Variants in EYS observed in about 807,000 individuals in gnomAD.
The protein encoded by EYS is protein eyes shut homolog.
In EYS, 250 loss-of-function variants were observed where a neutral mutation model predicts 282.1. The observed-to-expected ratio is 0.89, with a 90% CI of 0.80 to 0.98. The LOEUF is 0.98. EYS is among the 50% of genes least tolerant of loss of function. The probability of loss-of-function intolerance (pLI) is 0.00; values close to 1 mark genes in which losing one functional copy is unlikely to be tolerated. For synonymous variants in EYS, 1,355 were observed against 1,282.9 expected, an observed-to-expected ratio of 1.06 and a Z score of -1.20; for missense variants, 4,016 against 3,709.0, an observed-to-expected ratio of 1.08 and a Z score of -2.15.
At chr6:64,363,001 C>CT (rs5876892) in intron 29 of EYS, among the ~76,000 whole-genome samples, 9 of 142,254 alleles carry the variant, frequency 6.3e-5, no homozygotes, top group East Asian at 2.0e-4. Flanking sequence ...TTTTCTCTTT[C>CT]TTTTTTTTTT....
At chr6:65,370,060 G>T (rs1765077982) in intron 8 of EYS, among the ~76,000 whole-genome samples, 1 of 151,468 alleles carries the variant, frequency 6.6e-6, no homozygotes, top group African/African-American at 2.4e-5. Context: ...GGTGATAGAT[G>T]GTCACAGTAT....
chr6:64,635,667 A>T (rs1055005147), intron 22 of EYS, among the ~76,000 whole-genome samples: 4 of 152,170 alleles, frequency 2.6e-5, no homozygotes, highest in Non-Finnish European at 5.9e-5. Flanking sequence ...CATCCCAGGG[A>T]TGAAGCCCAC....
At chr6:65,441,534 T>G (rs1768328389) in intron 5 of EYS, among the ~76,000 whole-genome samples, 1 of 152,086 alleles carries the variant, frequency 6.6e-6, no homozygotes, top group African/African-American at 2.4e-5. Context: ...CTTTCAGCTG[T>G]TCTATGTGTT....
intron 26 of EYS, among the ~76,000 whole-genome samples, chr6:64,458,795 A>AT (rs1775646609): frequency 6.6e-6 from 1 of 152,048 alleles, no homozygotes; most frequent in Non-Finnish European, 1.5e-5. Flanking sequence ...TGATCCCTAT[A>AT]TTTTTTATGC....
chr6:64,855,648 T>TC (rs1766036635), intron 19 of EYS, among the ~76,000 whole-genome samples: 2 of 152,116 alleles, frequency 1.3e-5, no homozygotes, highest in African/African-American at 2.4e-5. Context: ...GTTCATAGAT[T>TC]ATATTAGGGT....
chr6:65,366,340 T>A (rs1346901739), intron 8 of EYS, among the ~76,000 whole-genome samples: 1 of 151,684 alleles, frequency 6.6e-6, no homozygotes, highest in Non-Finnish European at 1.5e-5. Flanking sequence ...TTAAATCCAT[T>A]TGTTCTGAGA....
chr6:64,809,664 C>A (rs2150013537), intron 22 of EYS, among the ~76,000 whole-genome samples: 1 of 152,028 alleles, frequency 6.6e-6, no homozygotes, highest in East Asian at 1.9e-4. Flanking sequence ...GAAATTATGC[C>A]CTTTGCAGAA....
intron 13 of EYS, among the ~76,000 whole-genome samples, chr6:65,004,202 A>G (rs1480590248): frequency 6.8e-6 from 1 of 147,454 alleles, no homozygotes; most frequent in Non-Finnish European, 1.5e-5. Context: ...AAAATTGCAA[A>G]GGTTAATTCT....
intron 31 of EYS, among the ~76,000 whole-genome samples, chr6:64,168,188 G>C (rs1764354438): frequency 6.6e-6 from 1 of 152,204 alleles, no homozygotes; most frequent in African/African-American, 2.4e-5. Flanking sequence ...GTGAACCCGG[G>C]AGGGGGAGCT....
chr6:64,939,659 G>A (rs554215735), intron 15 of EYS, among the ~76,000 whole-genome samples: 88 of 150,302 alleles, frequency 5.9e-4, no homozygotes, highest in African/African-American at 2.2e-3. Context: ...CATAAGTGAT[G>A]TATTTCATAC....
At chr6:65,357,104 A>C (rs1239769246) in intron 8 of EYS, among the ~76,000 whole-genome samples, 1 of 151,998 alleles carries the variant, frequency 6.6e-6, no homozygotes, top group Non-Finnish European at 1.5e-5. Flanking sequence ...AAGCTTCATC[A>C]GTATTAACTT....
At chr6:63,844,256 T>C (rs1184616198) in intron 36 of EYS, among the ~76,000 whole-genome samples, 1 of 152,224 alleles carries the variant, frequency 6.6e-6, no homozygotes, top group African/African-American at 2.4e-5. Context: ...AGTCTATCAT[T>C]GATGGGCATT....
chr6:64,967,524 G>A (rs1770140566), intron 14 of EYS, among the ~76,000 whole-genome samples: 1 of 151,930 alleles, frequency 6.6e-6, no homozygotes, highest in Non-Finnish European at 1.5e-5. Context: ...CGCCATGTTG[G>A]TCAGGCTGGT....
At chr6:65,577,750 T>TAA (rs367879550) in intron 2 of EYS, among the ~76,000 whole-genome samples, 31,853 of 143,670 alleles carry the variant, frequency 0.22, 3,606 homozygotes, top group Middle Eastern at 0.35. Context: ...AAGCCTGTTT[T>TAA]AAAAAAAAAA....
intron 22 of EYS, among the ~76,000 whole-genome samples, chr6:64,642,593 C>T (rs574847050): frequency 1.3e-5 from 2 of 152,166 alleles, no homozygotes; most frequent in Non-Finnish European, 2.9e-5. Context: ...TTTTCCTCTT[C>T]TTTGGAGAAA....
intron 13 of EYS, among the ~76,000 whole-genome samples, chr6:65,024,650 T>C (rs1265093388): frequency 6.6e-6 from 1 of 152,198 alleles, no homozygotes; most frequent in Non-Finnish European, 1.5e-5. Flanking sequence ...ATTCAATCAC[T>C]AAGTTGCCAA....
chr6:64,801,345 A>G (rs1028585806), intron 22 of EYS, among the ~76,000 whole-genome samples: 3 of 152,176 alleles, frequency 2.0e-5, no homozygotes, highest in Non-Finnish European at 4.4e-5. Context: ...CAGATTAAAA[A>G]CCATATCATT....
chr6:63,833,410 C>T lies in EYS; in HGVS notation c.7229-27038G>A, dbSNP rs183870441. On this transcript the variant is annotated intron_variant, in intron 36 of 42. Transcript: ENST00000503581. ...CAATGTGCAAAAATCACAAGCATTC[C>T]TATACACCAATAAGAAACAGCCAAA... is the stretch of plus-strand genomic sequence containing the variant. 1.2e-3 allele frequency among the ~76,000 whole-genome samples: 181 copies of T among 152,148 alleles called. 3 individuals carry two copies. The highest frequency in any genetic ancestry group is 3.8e-3 in the African/African-American group (159 of 41,520).
intron 12 of EYS, among the ~76,000 whole-genome samples, chr6:65,135,507 A>G: frequency 6.6e-6 from 1 of 152,080 alleles, no homozygotes; most frequent in East Asian, 1.9e-4. Context: ...TCAAGTTTAT[A>G]GTTTATAAAG....
Sources: gnomAD v4.1 joint callset for allele counts (sites outside exome capture counted in the v4.1 genomes callset) on GRCh38, gnomAD v4.1.1 for gene constraint, MANE v1.5 for transcripts, NCBI Gene and HGNC (gene_info 2026-07-23, HGNC 2026-07-21) for gene names.